The following HERC6 variants were observed in gnomAD, a reference collection of about 807,000 sequenced individuals.
HERC6 encodes the protein probable E3 ubiquitin-protein ligase HERC6.
In HERC6, 101 loss-of-function variants were observed where a neutral mutation model predicts 114.5. The observed-to-expected ratio is 0.88, with a 90% CI of 0.75 to 1.04. The LOEUF (loss-of-function observed/expected upper bound fraction) is 1.04, where lower values mean the gene tolerates loss of function less well. Among genes scored for constraint, HERC6 ranks in the 50% least tolerant of loss-of-function variants. The pLI, the probability that HERC6 is intolerant of heterozygous loss-of-function variation, is 0.00. For missense variants in HERC6, 1,133 were observed against 1,230.9 expected (o/e 0.92, Z 1.19); for synonymous variants, 408 against 436.2 (o/e 0.94, Z 0.81).
chr4:88,440,247 C>T lies in HERC6; in HGVS notation c.2839C>T (p.Leu947Phe), dbSNP rs1351545888. The T allele has an allele frequency of 3.3e-6, 5 of 1,528,156 alleles. No homozygotes were observed. In the Admixed American group the frequency reaches 7.1e-5, roughly 22 times the overall value. The allele number at this position is 1,528,156 out of a possible 1,614,324, so 94.7% of individuals were successfully genotyped here. The change falls in exon 22 of 23, where the codon CTC (leucine) becomes TTC (phenylalanine). Residue 947 changes from leucine (L) to phenylalanine (F), a missense_variant. Around this residue, in one of 3 missense-constraint regions of HERC6, gnomAD observed 388 missense variants for 445.9 expected, o/e 0.87. Coordinates refer to ENST00000264346, the MANE Select transcript of HERC6 (RefSeq NM_017912.4). ...KLTLDEKKKFLFFLTGRDRLH... is the reference protein window; with the variant it reads ...KLTLDEKKKFFFFLTGRDRLH... ...AACCTTGGATGAAAAGAAAAAATTC[C>T]TCTGTAAGTACTGTGGTACTAGATG... is the stretch of plus-strand genomic sequence containing the variant.
intron 13 of HERC6, among the ~76,000 whole-genome samples, chr4:88,417,955 A>G (rs1225667238): frequency 6.6e-6 from 1 of 152,154 alleles, no homozygotes; most frequent in Non-Finnish European, 1.5e-5. Flanking sequence ...CTTAAAAAAA[A>G]AAAAAAGTAA....
chr4:88,383,195 G>T, intron 1 of HERC6, 26 bp from the exon 2 acceptor site: 1 of 1,603,582 alleles, frequency 6.2e-7, no homozygotes. Flanking sequence ...TGGTGGTTGG[G>T]GGGTGTTTTG....
intron 11 of HERC6, among the ~76,000 whole-genome samples, chr4:88,412,247 A>G (rs1736148047): frequency 6.6e-6 from 1 of 152,222 alleles, no homozygotes; most frequent in African/African-American, 2.4e-5. Context: ...ATGTTCAAAC[A>G]AATATAAAGA....
intron 11 of HERC6, 38 bp downstream of exon 11, chr4:88,408,655 C>T (rs903171895): frequency 7.7e-6 from 10 of 1,296,172 alleles, no homozygotes; most frequent in South Asian, 3.8e-5. Flanking sequence ...AGAACAAATA[C>T]GATTGCAGTT....
chr4:88,427,470 A>G (rs1230448045), intron 15 of HERC6, among the ~76,000 whole-genome samples: 2 of 152,126 alleles, frequency 1.3e-5, no homozygotes, highest in Non-Finnish European at 2.9e-5. Flanking sequence ...GGGCCACAGG[A>G]GGTGATGACC....
intron 1 of HERC6, among the ~76,000 whole-genome samples, chr4:88,379,762 A>G (rs1734087013): frequency 9.9e-6 from 1 of 101,030 alleles, no homozygotes; most frequent in Admixed American, 1.7e-4. Flanking sequence ...ATATAAATAT[A>G]TATAATATAT....
At chr4:88,402,557 A>C (rs1468189598) in intron 8 of HERC6, among the ~76,000 whole-genome samples, 1 of 152,170 alleles carries the variant, frequency 6.6e-6, no homozygotes, top group Non-Finnish European at 1.5e-5. Context: ...GGAGATGATT[A>C]AGAATTGAGA....
chr4:88,398,226 T>C lies in HERC6; in HGVS notation c.1092+17T>C, dbSNP rs1296123790. ...ACTCATCAGGTATCTATTATACTTT[T>C]TGTTCCTCTTAAAAATTATTTTTTC... On this transcript the variant is annotated intron_variant, in intron 8 of 22. Coordinates refer to ENST00000264346, the MANE Select transcript of HERC6 (RefSeq NM_017912.4). 34 of 1,497,338 alleles carry C rather than the reference T, an allele frequency of 2.3e-5. No homozygotes were observed. Among genetic ancestry groups the C allele is most frequent in the Middle Eastern group, 1.7e-4 (1 of 5,802 alleles). The allele number at this position is 1,497,338 out of a possible 1,614,324, so 92.8% of individuals were successfully genotyped here. A position where few individuals can be genotyped will look rare whatever the true frequency, so the allele number is the denominator to read the frequency against.
At chr4:88,403,024 G>A (rs1735624806) in intron 8 of HERC6, among the ~76,000 whole-genome samples, 3 of 152,316 alleles carry the variant, frequency 2.0e-5, no homozygotes, top group Middle Eastern at 3.4e-3. Flanking sequence ...CATAACAAGT[G>A]CAGTGGAGGC....
chr4:88,431,424 T>A, intron 17 of HERC6, 119 bp downstream of exon 17: 4 of 1,146,158 alleles, frequency 3.5e-6, no homozygotes, highest in South Asian at 1.6e-5. Context: ...TACTCATATT[T>A]TGAGTAGTAC....
chr4:88,392,887 C>T (rs963510595), intron 4 of HERC6, among the ~76,000 whole-genome samples: 9 of 152,178 alleles, frequency 5.9e-5, no homozygotes, highest in East Asian at 1.9e-4. Flanking sequence ...GAACTTGTTT[C>T]GAAATAACCT....
chr4:88,395,493 C>T (rs761627812), intron 5 of HERC6, among the ~76,000 whole-genome samples: 11 of 152,098 alleles, frequency 7.2e-5, no homozygotes, highest in Non-Finnish European at 1.5e-4. Flanking sequence ...TACCTGTGTA[C>T]ATTGTGAAAT....
intron 4 of HERC6, among the ~76,000 whole-genome samples, chr4:88,392,817 C>T (rs891721221): frequency 3.3e-5 from 5 of 152,192 alleles, no homozygotes; most frequent in Non-Finnish European, 1.5e-5. Flanking sequence ...TATTTGAAGA[C>T]GCTCTTCTAG....
intron 20 of HERC6, among the ~76,000 whole-genome samples, chr4:88,438,505 AAGTACTG>A (rs1738995474): frequency 6.6e-6 from 1 of 152,094 alleles, no homozygotes; most frequent in Admixed American, 6.6e-5. Context: ...CAGCCTCCCA[AAGTACTG>A]GGATTACAAG....
At chr4:88,415,222 T>TCCCA (rs1736372332) in intron 12 of HERC6, among the ~76,000 whole-genome samples, 1 of 152,198 alleles carries the variant, frequency 6.6e-6, no homozygotes, top group Non-Finnish European at 1.5e-5. Flanking sequence ...ACTTGCTTTC[T>TCCCA]CCCACTAAAC....
rs185903876 is a variant in HERC6 at position 88,410,124 on chromosome 4, G to A, written c.1368+1507G>A. On this transcript the variant is annotated intron_variant, in intron 11 of 22. Transcript: ENST00000264346. ...TATTTTGCCAAGATTGAGGACACACGCCTGTGACACAGCCTCAGGAGGTCC... is the reference window on the plus strand; with the variant it reads ...TATTTTGCCAAGATTGAGGACACACACCTGTGACACAGCCTCAGGAGGTCC... Among the ~76,000 whole-genome samples the A allele has an allele frequency of 4.5e-3, 678 of 152,300 alleles. 4 individuals are homozygous for A. The highest frequency in any genetic ancestry group is 0.015 in the African/African-American group (643 of 41,572).
rs768586619 is a variant in HERC6, at chr4:88,417,377, G to T, written c.1559-48G>T. On this transcript the variant is annotated intron_variant, in intron 12 of 22. Coordinates refer to ENST00000264346, the MANE Select transcript of HERC6 (RefSeq NM_017912.4). ...GAACCCACTAGAAACAGAGATTTGGGGGGTGGTAGGAAAAACATATTTATC... is the reference window on the plus strand; with the variant it reads ...GAACCCACTAGAAACAGAGATTTGGTGGGTGGTAGGAAAAACATATTTATC... 2.7e-5 allele frequency: 42 copies of T among 1,548,862 alleles called. No homozygotes were observed. In the South Asian group the frequency reaches 4.1e-4, roughly 15 times the overall value.
At position 88,439,993 on chromosome 4, in the gene HERC6, AC is replaced by A. The variant is rs1228964704; in HGVS notation, c.2678del (p.Pro893LeufsTer4). Reference protein sequence around the residue: ...VCEKEILRHFYPEELMTAIIG... With the variant: ...VCEKEILRHFXPEELMTAIIG... The stretch of plus-strand genomic sequence containing the variant: ...GAGAAGGAGATACTTAGACATTTCT[AC>A]CCTGAAGAACTAATGACAGCAATCA... On this transcript the variant is annotated frameshift_variant, in exon 21 of 23. Coordinates refer to ENST00000264346, the MANE Select transcript of HERC6 (RefSeq NM_017912.4). LOFTEE classifies it high-confidence loss of function. 6.2e-7 allele frequency: 1 copy of A among 1,611,946 alleles called. No homozygotes were observed. The highest frequency in any genetic ancestry group is 2.2e-5 in the East Asian group (1 of 44,840).
chr4:88,380,183 A>AAT (rs1162242327), intron 1 of HERC6, among the ~76,000 whole-genome samples: 1 of 5,236 alleles, frequency 1.9e-4, no homozygotes, highest in Non-Finnish European at 2.9e-4. Context: ...ATAATATATA[A>AAT]ATATATATAT....
Sources: gnomAD v4.1 joint callset for allele counts (sites outside exome capture counted in the v4.1 genomes callset) on GRCh38, gnomAD v4.1.1 for gene constraint, gnomAD v4.1.1 regional missense constraint, MANE v1.5 for transcripts, NCBI Gene and HGNC (gene_info 2026-07-23, HGNC 2026-07-21) for gene names.